ARHGEF4: variants seen among roughly 807,000 people sequenced by gnomAD.
ARHGEF4 encodes APC-stimulated guanine nucleotide exchange factor 1.
Under a neutral mutation model 162.0 loss-of-function variants are expected in ARHGEF4, and 119 were observed. The observed-to-expected ratio is 0.73, with a 90% CI of 0.63 to 0.86. The LOEUF is 0.86. Among genes scored for constraint, ARHGEF4 ranks in the 40% least tolerant of loss-of-function variants. The pLI is 0.00. For missense variants in ARHGEF4, 2,488 were observed against 2,456.0 expected (o/e 1.01, Z -0.28); for synonymous variants, 1,014 against 979.9 (o/e 1.03, Z -0.65).
At chr2:130,880,223 G>A (rs1679106911) in intron 1 of ARHGEF4, among the ~76,000 whole-genome samples, 1 of 152,174 alleles carries the variant, frequency 6.6e-6, no homozygotes, top group Admixed American at 6.5e-5. Context: ...TCTTCTGCAC[G>A]ACCCCCTGCT....
At chr2:131,007,842 C>T (rs766533556) in intron 4 of ARHGEF4, among the ~76,000 whole-genome samples, 147 of 114,956 alleles carry the variant, frequency 1.3e-3, no homozygotes, top group Non-Finnish European at 1.5e-3. Context: ...GACAGAGTCT[C>T]GCCCTATCCC....
intron 4 of ARHGEF4, among the ~76,000 whole-genome samples, chr2:131,019,071 T>C (rs758168129): frequency 1.3e-5 from 2 of 152,202 alleles, no homozygotes; most frequent in African/African-American, 2.4e-5. Flanking sequence ...CAGGACCCCT[T>C]GAGATTCCAT....
chr2:131,021,242 A>C (rs1240749301), intron 4 of ARHGEF4, among the ~76,000 whole-genome samples: 1 of 152,188 alleles, frequency 6.6e-6, no homozygotes, highest in East Asian at 1.9e-4. Context: ...CTACAAGGCT[A>C]CAGTAACCAA....
intron 2 of ARHGEF4, among the ~76,000 whole-genome samples, chr2:130,918,004 T>A (rs975354590): frequency 1.3e-5 from 2 of 151,990 alleles, no homozygotes; most frequent in Admixed American, 1.3e-4. Context: ...GTTATTTTAG[T>A]AGAGACGGGG....
At chr2:130,885,476 C>A (rs539341966) in intron 1 of ARHGEF4, among the ~76,000 whole-genome samples, 3 of 150,848 alleles carry the variant, frequency 2.0e-5, no homozygotes, top group African/African-American at 7.3e-5. Flanking sequence ...AATACTGTTA[C>A]AATGGCAACT....
At chr2:131,011,409 G>A (rs1196537612) in intron 4 of ARHGEF4, among the ~76,000 whole-genome samples, 1 of 152,162 alleles carries the variant, frequency 6.6e-6, no homozygotes, top group African/African-American at 2.4e-5. Flanking sequence ...CTTAAAGTAT[G>A]CATTCATTTG....
intron 3 of ARHGEF4, 100 bp from the exon 4 acceptor site, chr2:130,946,409 C>A: frequency 6.9e-7 from 1 of 1,443,578 alleles, no homozygotes. Flanking sequence ...GCTCTGTTCA[C>A]AATGAAAAGT....
intron 4 of ARHGEF4, among the ~76,000 whole-genome samples, chr2:131,005,762 C>T (rs1393808721): frequency 6.6e-6 from 1 of 152,156 alleles, no homozygotes; most frequent in Non-Finnish European, 1.5e-5. Flanking sequence ...CCGTGGACCA[C>T]AGGGACCCGT....
chr2:130,983,797 C>T (rs1339527872), intron 4 of ARHGEF4, among the ~76,000 whole-genome samples: 1 of 152,056 alleles, frequency 6.6e-6, no homozygotes, highest in Non-Finnish European at 1.5e-5. Flanking sequence ...CTACAGGCGT[C>T]CGCCACCACA....
rs1477516367 is a variant in ARHGEF4, at chr2:130,915,615, C to G, written c.1669C>G (p.Gln557Glu). 14 of 1,550,422 alleles carry G rather than the reference C, an allele frequency of 9.0e-6. No homozygotes were observed. In the South Asian group the frequency reaches 1.1e-4, roughly 12 times the overall value. Residue 557 changes from glutamine to glutamate, a missense_variant, in exon 2 of 14, where the codon CAG becomes GAG. Physicochemically the swap from Gln to Glu is conservative, Grantham distance 29 (BLOSUM62 2). Around this residue, in one of 6 missense-constraint regions of ARHGEF4, gnomAD observed 1,642 missense variants for 1,481.5 expected, o/e 1.11. Coordinates refer to ENST00000409359, the MANE Select transcript of ARHGEF4 (RefSeq NM_001367493.1). ...SDSSDAPETTQKSSAIDTSKA... is the reference protein window; with the variant it reads ...SDSSDAPETTEKSSAIDTSKA... ...CAGTTCAGATGCCCCTGAGACCACC[C>G]AGAAATCAAGCGCAATAGACACTTC...
At chr2:130,938,513 G>C (rs1248423062) in intron 3 of ARHGEF4, among the ~76,000 whole-genome samples, 2 of 152,136 alleles carry the variant, frequency 1.3e-5, no homozygotes, top group Non-Finnish European at 2.9e-5. Flanking sequence ...CTTTCTAACT[G>C]GATAGCCTTT....
chr2:131,015,699 G>A (rs980671967), intron 4 of ARHGEF4, among the ~76,000 whole-genome samples: 26 of 152,318 alleles, frequency 1.7e-4, no homozygotes, highest in Middle Eastern at 3.4e-3. Context: ...CCAGCCTAGC[G>A]AACATGGCAA....
chr2:130,939,831 A>C lies in ARHGEF4; in HGVS notation c.3859-6678A>C, dbSNP rs1178044743. ...TTTTAAAATGTATACTTTTGTATTT[A>C]ATTTTCCTAGGAACTATTACAAATA... On this transcript the variant is annotated intron_variant, in intron 3 of 13. Transcript: ENST00000409359. Among the ~76,000 whole-genome samples, 5 of 152,294 alleles carry C rather than the reference A, an allele frequency of 3.3e-5. No homozygotes were observed. The East Asian group carries it at 9.6e-4, about 29-fold the overall frequency.
intron 1 of ARHGEF4, among the ~76,000 whole-genome samples, chr2:130,853,078 T>C (rs1681523499): frequency 6.6e-6 from 1 of 152,174 alleles, no homozygotes; most frequent in East Asian, 1.9e-4. Context: ...TTTTGTGCTT[T>C]GGGTCCCAGG....
intron 2 of ARHGEF4, among the ~76,000 whole-genome samples, chr2:130,920,320 G>T (rs1380001747): frequency 6.6e-6 from 1 of 152,196 alleles, no homozygotes; most frequent in African/African-American, 2.4e-5. Context: ...TGTTGCCCCA[G>T]TTGGAGTCTG....
Position 130,988,899 on chromosome 2 carries a change from T to TAGAG in ARHGEF4, c.3986-39045_3986-39044insGAGA, listed in dbSNP as rs1174212061. The stretch of plus-strand genomic sequence containing the variant: ...ATATATATATATATATATATATATA[T>TAGAG]ATAGAGAGAGAGAGAGAGAGAGAGA... On this transcript the variant is annotated intron_variant, in intron 4 of 13. Coordinates refer to ENST00000409359, the MANE Select transcript of ARHGEF4 (RefSeq NM_001367493.1). 5.4e-3 allele frequency among the ~76,000 whole-genome samples: 615 copies of TAGAG among 112,934 alleles called. 1 individual carries two copies. The highest frequency in any genetic ancestry group is 0.012 in the African/African-American group (333 of 28,162). 74.1% of individuals were successfully genotyped at this position (112,934 alleles called of 152,430 possible). A position where few individuals can be genotyped will look rare whatever the true frequency, so the allele number is the denominator to read the frequency against.
intron 1 of ARHGEF4, among the ~76,000 whole-genome samples, chr2:130,871,893 C>G (rs1438976417): frequency 7.2e-5 from 11 of 152,162 alleles, no homozygotes; most frequent in African/African-American, 1.9e-4. Context: ...AATTCTTCCC[C>G]CCAAATAAAG....
At chr2:130,971,237 T>C (rs187252198) in intron 4 of ARHGEF4, among the ~76,000 whole-genome samples, 190 of 152,376 alleles carry the variant, frequency 1.2e-3, no homozygotes, top group Non-Finnish European at 2.1e-3. Context: ...TGTTGGTCTA[T>C]TTCTAGCTCT....
chr2:130,938,013 A>G (rs1417108520), intron 3 of ARHGEF4, among the ~76,000 whole-genome samples: 1 of 152,166 alleles, frequency 6.6e-6, no homozygotes, highest in Non-Finnish European at 1.5e-5. Context: ...TGAATATTAT[A>G]ATGTGGCAAC....
Sources: allele counts gnomAD v4.1 joint callset (sites outside exome capture counted in the v4.1 genomes callset), GRCh38; gene constraint gnomAD v4.1.1; regional missense constraint gnomAD v4.1.1; transcripts MANE v1.5; gene names NCBI Gene and HGNC (gene_info 2026-07-23, HGNC 2026-07-21).